Variants in NSD2 observed in about 807,000 individuals in gnomAD.
NSD2 encodes the protein histone-lysine N-methyltransferase NSD2.
NSD2 carries 12 observed loss-of-function variants against 139.0 expected under a neutral mutation model. The ratio of observed to expected loss-of-function variants is 0.09; its 90% CI spans 0.06 to 0.14. The LOEUF (loss-of-function observed/expected upper bound fraction) is 0.14, where lower values mean the gene tolerates loss of function less well. Ranked by LOEUF, NSD2 falls within the 10% of genes least tolerant of loss-of-function variation. The pLI is 1.00. For missense variants in NSD2, 1,155 were observed against 1,745.0 expected, an observed-to-expected ratio of 0.66 and a Z score of 6.02; for synonymous variants, 669 against 648.7, an observed-to-expected ratio of 1.03 and a Z score of -0.48.
At chr4:1,918,804 C>G in intron 5 of NSD2, 181 bp downstream of exon 5, 1 of 815,548 alleles carries the variant, frequency 1.2e-6, no homozygotes, top group South Asian at 2.0e-5. Context: ...AAAAGATACT[C>G]GACTTGCACT....
At chr4:1,883,629 T>TC (rs1188252932) in intron 1 of NSD2, among the ~76,000 whole-genome samples, 2 of 133,788 alleles carry the variant, frequency 1.5e-5, no homozygotes, top group Non-Finnish European at 3.2e-5. Flanking sequence ...AGACTTTGTT[T>TC]CCAAAAAAAA....
chr4:1,961,559 G>A (rs900926441), intron 18 of NSD2, among the ~76,000 whole-genome samples: 13 of 152,206 alleles, frequency 8.5e-5, no homozygotes, highest in Non-Finnish European at 1.3e-4. Context: ...TAGCAGAATC[G>A]TTTTTGCTTG....
In NSD2 at chr4:1,898,431, A is replaced by G. The variant is rs528321215; in HGVS notation, c.-29-2195A>G. Among the ~76,000 whole-genome samples the G allele has an allele frequency of 7.9e-5, 12 of 152,230 alleles. No individual in the cohort carries two copies. The South Asian group carries it at 8.3e-4, about 11-fold the overall frequency. On this transcript the variant is annotated intron_variant, in intron 1 of 21. Coordinates refer to ENST00000508803, the MANE Select transcript of NSD2 (RefSeq NM_001042424.3). ...TGTAATCCCAGCACTTTGGGAGGCCAAGGCGGGCGGATCACGAAGTCAGGA... is the reference window on the plus strand; with the variant it reads ...TGTAATCCCAGCACTTTGGGAGGCCGAGGCGGGCGGATCACGAAGTCAGGA...
intron 5 of NSD2, among the ~76,000 whole-genome samples, chr4:1,928,770 C>T (rs977829023): frequency 1.3e-5 from 2 of 151,652 alleles, no homozygotes; most frequent in Admixed American, 1.3e-4. Flanking sequence ...GCAGCAGGCC[C>T]GTGAAGGAAT....
chr4:1,945,184 G>C (rs1173421244), intron 9 of NSD2: 1 of 1,067,026 alleles, frequency 9.4e-7, no homozygotes, highest in African/African-American at 1.6e-5. Context: ...CAGAAGCCTA[G>C]GTAGATTTAA....
At chr4:1,916,800 T>C in intron 3 of NSD2, 71 bp from the exon 4 acceptor site, 4 of 1,479,114 alleles carry the variant, frequency 2.7e-6, no homozygotes, top group Admixed American at 2.1e-5. Flanking sequence ...AACTGCAAAA[T>C]AGCAGTAGAT....
chr4:1,945,873 G>A (rs747187711), intron 9 of NSD2: 263 of 1,060,936 alleles, frequency 2.5e-4, no homozygotes, highest in Non-Finnish European at 2.9e-4. Flanking sequence ...TATGACTTTG[G>A]CAACTTGCTT....
chr4:1,933,556 AT>A lies in NSD2; in HGVS notation c.1556-1577del, dbSNP rs1000272855. On this transcript the variant is annotated intron_variant, in intron 6 of 21. Transcript: ENST00000508803. ...AGGCGCCCGCCACCATGACCAGCTA[AT>A]TTTTTTTTTTGTATTTTTAGTAGAG... Among the ~76,000 whole-genome samples, 41 of 146,888 alleles carry A rather than the reference AT, an allele frequency of 2.8e-4. 1 individual carries two copies. The highest frequency in any genetic ancestry group is 4.1e-4 in the Admixed American group (6 of 14,716).
At chr4:1,910,637 T>C (rs1718543943) in intron 3 of NSD2, among the ~76,000 whole-genome samples, 1 of 152,160 alleles carries the variant, frequency 6.6e-6, no homozygotes, top group Admixed American at 6.5e-5. Context: ...AAAAAAATGC[T>C]TCTGGCATTT....
At chr4:1,957,480 G>GT (rs1724953294) in intron 15 of NSD2, among the ~76,000 whole-genome samples, 1 of 150,664 alleles carries the variant, frequency 6.6e-6, no homozygotes, top group Non-Finnish European at 1.5e-5. Flanking sequence ...AGAGAATGGG[G>GT]TTTCAGCATG....
rs1273101135 is a variant in NSD2 at position 1,874,980 on chromosome 4, T to C, written c.-30+3438T>C. On this transcript the variant is annotated intron_variant, in intron 1 of 21. Transcript: ENST00000508803. ...TGGTTGCAATATTGCTCTTTTCTTT[T>C]GAGATAGGGTCTCACCTGTTACCTG... Among the ~76,000 whole-genome samples, 5 of 152,198 alleles carry C rather than the reference T, an allele frequency of 3.3e-5. No homozygotes were observed. In the East Asian group the frequency reaches 9.6e-4, roughly 29 times the overall value.
At position 1,979,489 on chromosome 4, in the gene NSD2, T is replaced by C. The variant is rs1727534435; in HGVS notation, c.*580T>C. 4.3e-6 allele frequency: 1 copy of C among 233,152 alleles called. No homozygotes were observed. Among genetic ancestry groups the C allele is most frequent in the East Asian group, 6.0e-5 (1 of 16,554 alleles). 14.4% of individuals were successfully genotyped at this position (233,152 alleles called of 1,614,324 possible). ...CCTCAGAAACGCTTCTTTTCCATCC[T>C]AGTGAGAAGCTGGCCCTGCAGGTGG... On this transcript the variant is annotated 3_prime_UTR_variant, in exon 22 of 22. Coordinates refer to ENST00000508803, the MANE Select transcript of NSD2 (RefSeq NM_001042424.3).
chr4:1,875,784 C>CT (rs1408919037), intron 1 of NSD2, among the ~76,000 whole-genome samples: 1 of 150,790 alleles, frequency 6.6e-6, no homozygotes, highest in Non-Finnish European at 1.5e-5. Context: ...TGGTGGACGC[C>CT]TGTAGTCCCA....
chr4:1,925,766 A>ATC (rs1560665870), intron 5 of NSD2, among the ~76,000 whole-genome samples: 17 of 147,626 alleles, frequency 1.2e-4, no homozygotes, highest in African/African-American at 2.9e-4. Context: ...ATATATCTAT[A>ATC]TATATATTTT....
chr4:1,944,401 G>A (rs1319361862), intron 9 of NSD2: 6 of 1,065,398 alleles, frequency 5.6e-6, no homozygotes, highest in Non-Finnish European at 6.8e-6. Flanking sequence ...AAATAATGGT[G>A]ATACATTCTA....
At chr4:1,936,528 G>A (rs561051145) in intron 7 of NSD2, among the ~76,000 whole-genome samples, 36 of 151,936 alleles carry the variant, frequency 2.4e-4, no homozygotes, top group Non-Finnish European at 4.3e-4. Flanking sequence ...AAAATTAGTC[G>A]GGTGTGGTGG....
intron 3 of NSD2, among the ~76,000 whole-genome samples, chr4:1,913,159 C>T (rs1391910472): frequency 1.3e-5 from 2 of 152,214 alleles, no homozygotes; most frequent in Non-Finnish European, 2.9e-5. Flanking sequence ...TGAGAAGTGA[C>T]CAGAAGACGA....
rs966982369 is a variant in NSD2, at chr4:1,972,073, A to G, written c.3373-2790A>G. Among the ~76,000 whole-genome samples, 1 of 152,126 alleles carries G rather than the reference A, an allele frequency of 6.6e-6. No homozygotes were observed. The highest frequency in any genetic ancestry group is 2.4e-5 in the African/African-American group (1 of 41,444). Reference sequence around the variant, plus strand: ...AACAGCAGAGCAGCAAGAGGCAAACAGTGTCTCTCGGAGAATGTGACGGCT... The same window carrying G: ...AACAGCAGAGCAGCAAGAGGCAAACGGTGTCTCTCGGAGAATGTGACGGCT... On this transcript the variant is annotated intron_variant, in intron 18 of 21. Transcript: ENST00000508803. This position sits in a 1 kb window ranked among gnomAD's most constrained non-coding sequence, Gnocchi z 4.0.
chr4:1,975,646 T>TC (rs1726994793), intron 20 of NSD2: 1 of 494,586 alleles, frequency 2.0e-6, no homozygotes, highest in Non-Finnish European at 3.6e-6. Flanking sequence ...GTTTCGCAGT[T>TC]CTGGGTGTGG....
Sources: allele counts gnomAD v4.1 joint callset (sites outside exome capture counted in the v4.1 genomes callset), GRCh38; gene constraint gnomAD v4.1.1; non-coding constraint Gnocchi (gnomAD v3.1); transcripts MANE v1.5; gene names NCBI Gene and HGNC (gene_info 2026-07-23, HGNC 2026-07-21).